LRRC4C: variants seen among roughly 807,000 people sequenced by gnomAD.
The protein encoded by LRRC4C is leucine-rich repeat-containing protein 4C.
Under a neutral mutation model 33.6 loss-of-function variants are expected in LRRC4C, and 5 were observed. That is an observed-to-expected ratio of 0.15 (90% confidence interval 0.08 to 0.31). The LOEUF (loss-of-function observed/expected upper bound fraction) is 0.31, where lower values mean the gene tolerates loss of function less well. Ranked by LOEUF, LRRC4C falls within the 10% of genes least tolerant of loss-of-function variation. The probability of loss-of-function intolerance (pLI) is 1.00; values close to 1 mark genes in which losing one functional copy is unlikely to be tolerated. For synonymous variants in LRRC4C, 329 were observed against 302.0 expected (o/e 1.09, Z -0.93); for missense variants, 560 against 796.7 (o/e 0.70, Z 3.58).
Position 40,363,778 on chromosome 11 carries a change from C to T in LRRC4C, c.-269-44057G>A, listed in dbSNP as rs150791234. On this transcript the variant is annotated intron_variant, in intron 3 of 6. Transcript: ENST00000528697. ...CGGTAATGGCATCTCCACCAATGAA[C>T]TGATGCCAATTCTGGCTTTGAACCT... Among the ~76,000 whole-genome samples, 309 of 152,274 alleles carry T rather than the reference C, an allele frequency of 2.0e-3. 1 individual carries two copies. Among genetic ancestry groups the T allele is most frequent in the African/African-American group, 7.2e-3 (298 of 41,564 alleles).
chr11:41,023,901 A>G (rs1856156185), intron 1 of LRRC4C, among the ~76,000 whole-genome samples: 1 of 151,786 alleles, frequency 6.6e-6, no homozygotes, highest in Admixed American at 6.6e-5. Flanking sequence ...GCAGTCCCCA[A>G]ACCAGATCTG....
chr11:40,577,832 C>CTTTTTTTTTTTT (rs56061263), intron 3 of LRRC4C, among the ~76,000 whole-genome samples: 1 of 119,366 alleles, frequency 8.4e-6, no homozygotes, highest in Non-Finnish European at 1.7e-5. Context: ...TTTCTTTTTT[C>CTTTTTTTTTTTT]TTTTTTTTTT....
intron 3 of LRRC4C, among the ~76,000 whole-genome samples, chr11:40,625,706 C>T (rs1047498074): frequency 2.6e-5 from 4 of 151,988 alleles, no homozygotes; most frequent in African/African-American, 9.7e-5. Flanking sequence ...TCATTTTTTC[C>T]AAATTTCCTT....
intron 2 of LRRC4C, among the ~76,000 whole-genome samples, chr11:40,703,396 C>A (rs986909061): frequency 6.6e-6 from 1 of 151,948 alleles, no homozygotes; most frequent in African/African-American, 2.4e-5. Context: ...TTGGCAAAAC[C>A]ACGTCTCTAC....
intron 1 of LRRC4C, among the ~76,000 whole-genome samples, chr11:41,273,674 G>T (rs1263547751): frequency 6.6e-6 from 1 of 152,142 alleles, no homozygotes; most frequent in Non-Finnish European, 1.5e-5. Flanking sequence ...GCTGTACATA[G>T]TGCCTACAGT....
intron 1 of LRRC4C, among the ~76,000 whole-genome samples, chr11:41,345,338 T>C (rs1399880332): frequency 1.3e-5 from 2 of 152,332 alleles, no homozygotes; most frequent in East Asian, 3.9e-4. Context: ...TAATTATCTT[T>C]GTCGATATGT....
intron 3 of LRRC4C, among the ~76,000 whole-genome samples, chr11:40,514,338 G>A (rs988874853): frequency 1.3e-5 from 2 of 152,186 alleles, no homozygotes; most frequent in South Asian, 2.1e-4. Context: ...AAGTGATGTT[G>A]TTTGGAGCCA....
chr11:41,213,627 C>T (rs542088895), intron 1 of LRRC4C, among the ~76,000 whole-genome samples: 1 of 152,188 alleles, frequency 6.6e-6, no homozygotes, highest in Non-Finnish European at 1.5e-5. Flanking sequence ...AGCTCTCAAA[C>T]TTATACAAGA....
intron 4 of LRRC4C, among the ~76,000 whole-genome samples, chr11:40,262,918 C>T (rs142131535): frequency 1.7e-4 from 26 of 151,260 alleles, no homozygotes; most frequent in East Asian, 1.6e-3. Flanking sequence ...CACCATGGCA[C>T]GTGTATACCT....
chr11:41,196,854 T>C (rs896876379), intron 1 of LRRC4C, among the ~76,000 whole-genome samples: 1 of 152,086 alleles, frequency 6.6e-6, no homozygotes, highest in Non-Finnish European at 1.5e-5. Context: ...ATCTAATTAA[T>C]TTTTAGTAAC....
chr11:40,484,127 T>A (rs150619231), intron 3 of LRRC4C, among the ~76,000 whole-genome samples: 2,471 of 152,164 alleles, frequency 0.016, 78 homozygotes, highest in African/African-American at 0.056. Context: ...AAGTAAAAAA[T>A]GTACTAATCT....
intron 1 of LRRC4C, among the ~76,000 whole-genome samples, chr11:41,042,131 C>T (rs1420112105): frequency 6.6e-6 from 1 of 152,090 alleles, no homozygotes; most frequent in African/African-American, 2.4e-5. Flanking sequence ...TGTATATCTC[C>T]TCTTTGATAT....
chr11:40,287,370 T>TGCG (rs912146036), intron 4 of LRRC4C, among the ~76,000 whole-genome samples: 15 of 151,944 alleles, frequency 9.9e-5, no homozygotes, highest in African/African-American at 3.6e-4. Flanking sequence ...GGTATATATG[T>TGCG]GCGTGCCTGC....
At chr11:40,286,034 GTGGTAACTACTGT>G (rs1210446912) in intron 4 of LRRC4C, among the ~76,000 whole-genome samples, 3 of 152,120 alleles carry the variant, frequency 2.0e-5, no homozygotes, top group African/African-American at 7.2e-5. Context: ...TCAAGAAATG[GTGGTAACTACTGT>G]TTTTATTAAC....
chr11:40,150,308 G>A (rs1218619134), intron 5 of LRRC4C, among the ~76,000 whole-genome samples: 1 of 152,220 alleles, frequency 6.6e-6, no homozygotes, highest in African/African-American at 2.4e-5. Flanking sequence ...GCTTCTGGGG[G>A]CTAGTATGTA....
intron 2 of LRRC4C, among the ~76,000 whole-genome samples, chr11:40,859,850 G>C (rs1953988046): frequency 1.3e-5 from 2 of 152,134 alleles, no homozygotes; most frequent in Non-Finnish European, 2.9e-5. Flanking sequence ...GCCGAGGCGG[G>C]CGGATCGCGA....
chr11:41,064,902 T>A (rs1565349619), intron 1 of LRRC4C, among the ~76,000 whole-genome samples: 1 of 152,176 alleles, frequency 6.6e-6, no homozygotes, highest in East Asian at 1.9e-4. Flanking sequence ...TCTCAGGGAT[T>A]TTCGCAGTCC....
At chr11:41,125,518 C>G (rs142497502) in intron 1 of LRRC4C, among the ~76,000 whole-genome samples, 1 of 151,232 alleles carries the variant, frequency 6.6e-6, no homozygotes, top group East Asian at 2.0e-4. Context: ...GATTTTCAAA[C>G]ATATTTTTGC....
chr11:40,561,814 T>A (rs1243384141), intron 3 of LRRC4C, among the ~76,000 whole-genome samples: 2 of 152,178 alleles, frequency 1.3e-5, no homozygotes, highest in Non-Finnish European at 2.9e-5. Flanking sequence ...AACAAATTAT[T>A]GATTGAAACT....
Sources: allele counts gnomAD v4.1 joint callset (sites outside exome capture counted in the v4.1 genomes callset), GRCh38; gene constraint gnomAD v4.1.1; transcripts MANE v1.5; gene names NCBI Gene and HGNC (gene_info 2026-07-23, HGNC 2026-07-21).